GRIA1: variants seen among roughly 807,000 people sequenced by gnomAD.
The protein encoded by GRIA1 is glutamate receptor 1.
GRIA1 carries 31 observed loss-of-function variants against 99.2 expected under a neutral mutation model. The observed-to-expected ratio is 0.31, with a 90% CI of 0.23 to 0.42. The LOEUF is 0.42. Ranked by LOEUF, GRIA1 falls within the 10% of genes least tolerant of loss-of-function variation. GRIA1 has a pLI of 1.00. For missense variants in GRIA1, 782 were observed against 1,157.5 expected (o/e 0.68, Z 4.71); for synonymous variants, 438 against 432.4 (o/e 1.01, Z -0.16).
chr5:153,741,098 T>C (rs887069400), intron 11 of GRIA1, among the ~76,000 whole-genome samples: 10 of 145,270 alleles, frequency 6.9e-5, no homozygotes, highest in Non-Finnish European at 1.5e-4. Flanking sequence ...TGCCTCAGCC[T>C]CCCGAGTAGC....
At chr5:153,728,835 A>G (rs1271910401) in intron 11 of GRIA1, among the ~76,000 whole-genome samples, 1 of 106,204 alleles carries the variant, frequency 9.4e-6, no homozygotes, top group Non-Finnish European at 1.9e-5. Context: ...GCGATTCCTC[A>G]GGGATCTAGA....
At chr5:153,638,028 AATTC>A (rs1753507935) in intron 2 of GRIA1, among the ~76,000 whole-genome samples, 1 of 152,264 alleles carries the variant, frequency 6.6e-6, no homozygotes, top group Non-Finnish European at 1.5e-5. Context: ...TAAAATAATC[AATTC>A]ATTCAGTGCA....
chr5:153,705,637 GA>G, intron 10 of GRIA1, 59 bp from the exon 11 acceptor site: 1 of 1,376,714 alleles, frequency 7.3e-7, no homozygotes, highest in East Asian at 2.7e-5. Flanking sequence ...ACAAGAGAAT[GA>G]AAAGGGCTGC....
intron 11 of GRIA1, among the ~76,000 whole-genome samples, chr5:153,746,228 C>G (rs1762149090): frequency 6.6e-6 from 1 of 152,118 alleles, no homozygotes; most frequent in African/African-American, 2.4e-5. Flanking sequence ...GGAAGAGAGA[C>G]TGTTTCCTGC....
At chr5:153,619,662 C>T (rs923732869) in intron 2 of GRIA1, among the ~76,000 whole-genome samples, 3 of 151,800 alleles carry the variant, frequency 2.0e-5, no homozygotes, top group Non-Finnish European at 4.4e-5. Context: ...GTATCTTTAT[C>T]CCACTTTATC....
chr5:153,610,087 C>T (rs969156707), intron 2 of GRIA1, among the ~76,000 whole-genome samples: 2 of 152,172 alleles, frequency 1.3e-5, no homozygotes, highest in African/African-American at 4.8e-5. Flanking sequence ...GACAGATTGC[C>T]AGACTGCTTT....
intron 10 of GRIA1, among the ~76,000 whole-genome samples, chr5:153,700,861 A>G (rs972009041): frequency 2.0e-5 from 3 of 152,178 alleles, no homozygotes; most frequent in African/African-American, 7.2e-5. Context: ...AATAAAGGAA[A>G]TCTTCCTCAG....
chr5:153,521,057 A>G (rs1291456877), intron 2 of GRIA1, among the ~76,000 whole-genome samples: 2 of 152,222 alleles, frequency 1.3e-5, no homozygotes, highest in African/African-American at 2.4e-5. Context: ...CCCAGAATTC[A>G]AAAACAAATG....
chr5:153,742,756 C>G (rs895267419), intron 11 of GRIA1, among the ~76,000 whole-genome samples: 5 of 152,196 alleles, frequency 3.3e-5, no homozygotes, highest in African/African-American at 1.2e-4. Context: ...TTATATCTTT[C>G]CTATGTCTTC....
chr5:153,790,122 G>T (rs1019957539), intron 13 of GRIA1, among the ~76,000 whole-genome samples: 8 of 152,298 alleles, frequency 5.3e-5, no homozygotes, highest in Non-Finnish European at 1.0e-4. Flanking sequence ...TAACCCCAGA[G>T]ATGGTCCCTG....
intron 11 of GRIA1, among the ~76,000 whole-genome samples, chr5:153,747,459 A>T (rs1049523293): frequency 3.3e-5 from 5 of 152,186 alleles, no homozygotes; most frequent in Non-Finnish European, 7.3e-5. Context: ...GATGAGACGA[A>T]CATCCAAACT....
chr5:153,502,253 G>C (rs187309427), intron 2 of GRIA1, among the ~76,000 whole-genome samples: 31 of 152,288 alleles, frequency 2.0e-4, no homozygotes. Context: ...CAATGACCTT[G>C]TTTACTTTAG....
intron 10 of GRIA1, 39 bp from the exon 11 acceptor site, chr5:153,705,658 C>G (rs952928322): frequency 2.0e-5 from 25 of 1,281,010 alleles, no homozygotes; most frequent in Non-Finnish European, 2.6e-5. Flanking sequence ...CTGAGCTCAC[C>G]TGCATTTTTT....
chr5:153,650,969 G>A (rs1168789942), intron 4 of GRIA1, among the ~76,000 whole-genome samples: 1 of 151,148 alleles, frequency 6.6e-6, no homozygotes, highest in African/African-American at 2.4e-5. Flanking sequence ...TACTCAGGAG[G>A]GTGAGACAGT....
chr5:153,790,206 A>C (rs1236046381), intron 13 of GRIA1, among the ~76,000 whole-genome samples: 4 of 152,340 alleles, frequency 2.6e-5, no homozygotes, highest in African/African-American at 9.6e-5. Context: ...TTATAACAAA[A>C]GGAACACTCA....
chr5:153,630,345 A>C (rs1752855087), intron 2 of GRIA1, among the ~76,000 whole-genome samples: 1 of 151,958 alleles, frequency 6.6e-6, no homozygotes, highest in South Asian at 2.1e-4. Context: ...CTTTTCTTAG[A>C]TATGTGAGGG....
At chr5:153,607,771 T>C (rs1292921330) in intron 2 of GRIA1, among the ~76,000 whole-genome samples, 1 of 152,070 alleles carries the variant, frequency 6.6e-6, no homozygotes, top group African/African-American at 2.4e-5. Flanking sequence ...AATTTTTATA[T>C]TTTTACAGTC....
At position 153,523,511 on chromosome 5, in the gene GRIA1, AT is replaced by A. The variant is rs33960409; in HGVS notation, c.220+29457del. Among the ~76,000 whole-genome samples, 511 of 150,014 alleles carry A rather than the reference AT, an allele frequency of 3.4e-3. 3 individuals are homozygous for A. The highest frequency in any genetic ancestry group is 0.01 in the African/African-American group (416 of 40,838). On this transcript the variant is annotated intron_variant, in intron 2 of 15. Coordinates refer to ENST00000285900, the MANE Select transcript of GRIA1 (RefSeq NM_000827.4). ...ACCCTGAACTCAGACTGCTTTGAAC[AT>A]TTTTTTTTTTATTTATGCTTATGTT...
intron 13 of GRIA1, 135 bp downstream of exon 13, chr5:153,770,550 C>A: frequency 1.2e-6 from 1 of 823,724 alleles, no homozygotes; most frequent in Non-Finnish European, 1.9e-6. Flanking sequence ...CACCTATGGG[C>A]CTGAAAGATT....
Sources: allele counts gnomAD v4.1 joint callset (sites outside exome capture counted in the v4.1 genomes callset), GRCh38; gene constraint gnomAD v4.1.1; transcripts MANE v1.5; gene names NCBI Gene and HGNC (gene_info 2026-07-23, HGNC 2026-07-21).